DOCK2: variants seen among roughly 807,000 people sequenced by gnomAD.
DOCK2 encodes the protein dedicator of cytokinesis 2.
In DOCK2, 87 loss-of-function variants were observed where a neutral mutation model predicts 248.9. The observed-to-expected ratio is 0.35, with a 90% confidence interval of 0.29 to 0.42. The LOEUF (loss-of-function observed/expected upper bound fraction) is 0.42, where lower values mean the gene tolerates loss of function less well. Among genes scored for constraint, DOCK2 ranks in the 10% least tolerant of loss-of-function variants. DOCK2 has a pLI of 1.00. For missense variants in DOCK2, 1,747 were observed against 2,300.2 expected (o/e 0.76, Z 4.92); for synonymous variants, 805 against 821.6 (o/e 0.98, Z 0.35).
rs1759029707 is a variant in DOCK2 at position 169,671,119 on chromosome 5, A to G, written c.266A>G (p.Gln89Arg). 6.2e-7 allele frequency: 1 copy of G among 1,614,012 alleles called. No individual in the cohort carries two copies. The highest frequency in any genetic ancestry group is 1.3e-5 in the African/African-American group (1 of 74,940). The change falls in exon 5 of 52, where the codon CAA (glutamine) becomes CGA (arginine). Residue 89 changes from glutamine (Q) to arginine (R), a missense_variant. By Grantham distance (43) the Gln-to-Arg change is conservative. Transcript: ENST00000520908. ...ATTCCTGCAGAAATTCCTCTGGCACAAGAAGTGACAACGACACTTTGGGAA... is the reference window on the plus strand; with the variant it reads ...ATTCCTGCAGAAATTCCTCTGGCACGAGAAGTGACAACGACACTTTGGGAA... ...NIIPAEIPLA[Q>R]EVTTTLWEWG...
At chr5:169,748,858 A>G (rs1763753831) in intron 23 of DOCK2, among the ~76,000 whole-genome samples, 3 of 152,384 alleles carry the variant, frequency 2.0e-5, no homozygotes, top group South Asian at 2.1e-4. Context: ...CTTCACATAT[A>G]TTACTTTATT....
intron 27 of DOCK2, among the ~76,000 whole-genome samples, chr5:169,869,907 C>G (rs1158693887): frequency 1.3e-5 from 2 of 152,318 alleles, no homozygotes; most frequent in African/African-American, 4.8e-5. Flanking sequence ...GCTGTATATT[C>G]CATGCAGGAT....
At chr5:169,660,796 T>C (rs1041264398) in intron 2 of DOCK2, among the ~76,000 whole-genome samples, 14 of 152,234 alleles carry the variant, frequency 9.2e-5, no homozygotes, top group African/African-American at 3.4e-4. Context: ...CAGGTCACTT[T>C]GAAAAGGACT....
intron 27 of DOCK2, among the ~76,000 whole-genome samples, chr5:169,879,188 C>G (rs1772496159): frequency 6.6e-6 from 1 of 152,180 alleles, no homozygotes; most frequent in South Asian, 2.1e-4. Flanking sequence ...GGCAATCCAT[C>G]ATGCGCTGGA....
intron 34 of DOCK2, among the ~76,000 whole-genome samples, chr5:170,031,204 G>A (rs1756125351): frequency 6.6e-6 from 1 of 152,234 alleles, no homozygotes; most frequent in African/African-American, 2.4e-5. Context: ...GGTTGAAGCA[G>A]ATAGATGTAT....
intron 17 of DOCK2, among the ~76,000 whole-genome samples, chr5:169,712,747 A>C (rs981463188): frequency 6.6e-6 from 1 of 152,180 alleles, no homozygotes; most frequent in Non-Finnish European, 1.5e-5. Flanking sequence ...CACTAGGATG[A>C]CCCATGAAAA....
intron 9 of DOCK2, among the ~76,000 whole-genome samples, chr5:169,692,684 A>G (rs1044629087): frequency 1.1e-4 from 16 of 152,240 alleles, no homozygotes; most frequent in African/African-American, 2.7e-4. Flanking sequence ...TAGGCCTGCC[A>G]TAACTATCAC....
intron 32 of DOCK2, among the ~76,000 whole-genome samples, chr5:170,015,545 T>C (rs1192542758): frequency 6.8e-6 from 1 of 147,468 alleles, no homozygotes; most frequent in African/African-American, 2.6e-5. Context: ...TGTCTTCCCC[T>C]TTTGAACTGA....
chr5:169,707,176 G>A (rs1278746215), intron 14 of DOCK2, among the ~76,000 whole-genome samples: 2 of 152,206 alleles, frequency 1.3e-5, no homozygotes, highest in Non-Finnish European at 1.5e-5. Context: ...GGGGCCAAAC[G>A]GCTGGAATGA....
At chr5:170,050,460 C>T in intron 41 of DOCK2, 63 bp downstream of exon 41, 1 of 1,539,206 alleles carries the variant, frequency 6.5e-7, no homozygotes, top group Non-Finnish European at 8.7e-7. Flanking sequence ...GGGCTGCAGC[C>T]CACAAAGACC....
intron 40 of DOCK2, among the ~76,000 whole-genome samples, chr5:170,049,443 C>T (rs1237155012): frequency 1.3e-5 from 2 of 152,182 alleles, no homozygotes; most frequent in Non-Finnish European, 2.9e-5. Context: ...GTGTCCTAGG[C>T]TCCTTGGATG....
chr5:169,943,793 C>T (rs1477739326), intron 27 of DOCK2, among the ~76,000 whole-genome samples: 1 of 152,136 alleles, frequency 6.6e-6, no homozygotes, highest in Non-Finnish European at 1.5e-5. Flanking sequence ...GGTCCAGGGA[C>T]CTGTGTTTTA....
At chr5:169,751,013 C>T (rs931481264) in intron 23 of DOCK2, among the ~76,000 whole-genome samples, 16 of 152,280 alleles carry the variant, frequency 1.1e-4, no homozygotes, top group African/African-American at 3.9e-4. Flanking sequence ...CTTTCTCGGC[C>T]TCAGTTTATC....
In DOCK2 at chr5:170,049,955, T is replaced by C. The variant is rs148104284; in HGVS notation, c.4072-301T>C. 3.9e-5 allele frequency among the ~76,000 whole-genome samples: 6 copies of C among 152,226 alleles called. No homozygotes were observed. In the East Asian group the frequency reaches 1.2e-3, roughly 29 times the overall value. Reference sequence around the variant, plus strand: ...GTGGCCATGTATATAGGAGAGTGGGTGTGACACAGTGAAACCTGAGTGAGT... The same window carrying C: ...GTGGCCATGTATATAGGAGAGTGGGCGTGACACAGTGAAACCTGAGTGAGT... On this transcript the variant is annotated intron_variant, in intron 40 of 51. Transcript: ENST00000520908.
At chr5:169,804,494 G>GCGCA (rs1182317986) in intron 26 of DOCK2, among the ~76,000 whole-genome samples, 58 of 57,962 alleles carry the variant, frequency 1.0e-3, no homozygotes, top group African/African-American at 2.1e-3. Context: ...GTGCGCGCGC[G>GCGCA]CGTGCGCGTA....
intron 27 of DOCK2, among the ~76,000 whole-genome samples, chr5:169,891,138 T>TGCTA (rs1773256498): frequency 1.3e-5 from 2 of 152,150 alleles, no homozygotes; most frequent in Non-Finnish European, 2.9e-5. Flanking sequence ...GCCCTGAACA[T>TGCTA]GCTAGATTCA....
intron 41 of DOCK2, among the ~76,000 whole-genome samples, chr5:170,054,438 A>G (rs1757035449): frequency 6.6e-6 from 1 of 152,196 alleles, no homozygotes; most frequent in Non-Finnish European, 1.5e-5. Context: ...TAAAAGGACT[A>G]AAGACAGACC....
intron 27 of DOCK2, among the ~76,000 whole-genome samples, chr5:169,899,112 G>T (rs1166215306): frequency 6.6e-6 from 1 of 152,188 alleles, no homozygotes; most frequent in Non-Finnish European, 1.5e-5. Context: ...CTGATTTGTG[G>T]ATTAGAAGAG....
chr5:169,649,372 A>G (rs1405324631), intron 1 of DOCK2, among the ~76,000 whole-genome samples: 1 of 152,242 alleles, frequency 6.6e-6, no homozygotes, highest in Non-Finnish European at 1.5e-5. Flanking sequence ...CTTTTGAAGC[A>G]ATCTTGATAA....
Sources: gnomAD v4.1 joint callset for allele counts (sites outside exome capture counted in the v4.1 genomes callset) on GRCh38, gnomAD v4.1.1 for gene constraint, MANE v1.5 for transcripts, NCBI Gene and HGNC (gene_info 2026-07-23, HGNC 2026-07-21) for gene names.